Variants in ARHGAP40 observed in about 807,000 individuals in gnomAD.
ARHGAP40 encodes rho GTPase-activating protein 40.
ARHGAP40 carries 43 observed loss-of-function variants against 73.5 expected under a neutral mutation model. The ratio of observed to expected loss-of-function variants is 0.58; its 90% CI spans 0.46 to 0.75. ARHGAP40 has a LOEUF of 0.75. ARHGAP40 is among the 30% of genes least tolerant of loss of function. The pLI, the probability that ARHGAP40 is intolerant of heterozygous loss-of-function variation, is 0.00. For synonymous variants in ARHGAP40, 300 were observed against 352.8 expected (o/e 0.85, Z 1.68); for missense variants, 734 against 861.8 (o/e 0.85, Z 1.86).
chr20:38,605,743 A>G (rs934602534), intron 1 of ARHGAP40, among the ~76,000 whole-genome samples: 1 of 152,250 alleles, frequency 6.6e-6, no homozygotes, highest in Non-Finnish European at 1.5e-5. Flanking sequence ...ACATACATGT[A>G]TACGTAAAAT....
intron 1 of ARHGAP40, among the ~76,000 whole-genome samples, chr20:38,621,996 C>T (rs889460152): frequency 1.3e-5 from 2 of 151,908 alleles, no homozygotes; most frequent in Admixed American, 6.6e-5. Flanking sequence ...CGGAGGTTGC[C>T]GTGAGTCATA....
At chr20:38,639,149 C>A in intron 8 of ARHGAP40, 78 bp from the exon 9 acceptor site, 2 of 1,269,480 alleles carry the variant, frequency 1.6e-6, no homozygotes, top group South Asian at 1.3e-5. Context: ...ATGAGGAAAC[C>A]AAGCCCCAGA....
chr20:38,604,544 C>T (rs1014976906), intron 1 of ARHGAP40, among the ~76,000 whole-genome samples: 25 of 151,874 alleles, frequency 1.6e-4, no homozygotes, highest in African/African-American at 5.6e-4. Context: ...TACAGGCGTG[C>T]GCCACCACGC....
At chr20:38,608,560 C>T (rs546546400) in intron 1 of ARHGAP40, among the ~76,000 whole-genome samples, 1 of 152,304 alleles carries the variant, frequency 6.6e-6, no homozygotes, top group African/African-American at 2.4e-5. Context: ...TATACTATCA[C>T]ACAATCACCC....
At chr20:38,615,596 C>T (rs562636826) in intron 1 of ARHGAP40, 11 of 483,768 alleles carry the variant, frequency 2.3e-5, no homozygotes, top group Non-Finnish European at 3.4e-5. Context: ...CTAAGAGGTC[C>T]AATTTCTATC....
chr20:38,649,481 T>C (rs1368341826), intron 14 of ARHGAP40, among the ~76,000 whole-genome samples: 1 of 152,036 alleles, frequency 6.6e-6, no homozygotes, highest in Non-Finnish European at 1.5e-5. Flanking sequence ...CACATCAGAG[T>C]TGTTGCATTC....
At chr20:38,631,353 T>TA (rs1377375217) in intron 5 of ARHGAP40, among the ~76,000 whole-genome samples, 1 of 151,694 alleles carries the variant, frequency 6.6e-6, no homozygotes, top group Non-Finnish European at 1.5e-5. Flanking sequence ...AGTCTGTTTT[T>TA]ACACTGCTGA....
intron 1 of ARHGAP40, among the ~76,000 whole-genome samples, chr20:38,602,756 T>C (rs1452443740): frequency 6.6e-6 from 1 of 152,238 alleles, no homozygotes; most frequent in East Asian, 1.9e-4. Flanking sequence ...TAGGCTCTTG[T>C]GTTACATGTG....
chr20:38,608,478 A>G (rs1029649337), intron 1 of ARHGAP40, among the ~76,000 whole-genome samples: 5 of 152,184 alleles, frequency 3.3e-5, no homozygotes, highest in African/African-American at 1.2e-4. Context: ...TTGTGTTTTC[A>G]TGTTTTTGGA....
At chr20:38,640,065 G>A (rs2089004984) in intron 9 of ARHGAP40, among the ~76,000 whole-genome samples, 2 of 152,032 alleles carry the variant, frequency 1.3e-5, no homozygotes, top group East Asian at 1.9e-4. Flanking sequence ...TCTCACGACC[G>A]CAGCGTTTTG....
At chr20:38,605,796 G>A (rs1462543130) in intron 1 of ARHGAP40, among the ~76,000 whole-genome samples, 2 of 152,166 alleles carry the variant, frequency 1.3e-5, no homozygotes, top group East Asian at 1.9e-4. Context: ...ACTTACATAC[G>A]TGAATTGGTT....
At chr20:38,617,367 A>T (rs1199484831) in intron 1 of ARHGAP40, among the ~76,000 whole-genome samples, 1 of 152,048 alleles carries the variant, frequency 6.6e-6, no homozygotes, top group African/African-American at 2.4e-5. Context: ...CCACTGTCAT[A>T]TTATTCTCAC....
At position 38,647,140 on chromosome 20, in the gene ARHGAP40, C is replaced by T. The variant is rs2089059537; in HGVS notation, c.1880+14C>T. 1.5e-6 allele frequency: 2 copies of T among 1,300,706 alleles called. No homozygotes were observed. The highest frequency in any genetic ancestry group is 2.3e-5 in the Admixed American group (1 of 43,308). 80.6% of individuals were successfully genotyped at this position (1,300,706 alleles called of 1,614,324 possible). ...CCTCCTTCTACAGTAAGAGGCACCT[C>T]CTGGAGGCAGGAGCCTCTTCCCTGC... On this transcript the variant is annotated intron_variant, in intron 13 of 14. Coordinates refer to ENST00000373345, the Ensembl canonical transcript of ARHGAP40.
rs2088962856 is a variant in ARHGAP40 at position 38,634,742 on chromosome 20, C to CTTGGA, written c.907_911dup (p.Leu305TrpfsTer3). 1 of 1,303,666 alleles carries CTTGGA rather than the reference C, an allele frequency of 7.7e-7. No individual in the cohort carries two copies. Among genetic ancestry groups the CTTGGA allele is most frequent in the Admixed American group, 2.3e-5 (1 of 43,396 alleles). 80.8% of individuals were successfully genotyped at this position (1,303,666 alleles called of 1,614,324 possible). ...TGACCGCGCTCTGTGACATCCTCGG[C>CTTGGA]TTGGACCTGAAGAGGAGCAAGGCGG... is the stretch of plus-strand genomic sequence containing the variant. On this transcript the variant is annotated frameshift_variant, in exon 6 of 15. Coordinates refer to ENST00000373345, the Ensembl canonical transcript of ARHGAP40. LOFTEE classifies it high-confidence loss of function.
chr20:38,626,018 G>A lies in ARHGAP40; in HGVS notation c.338-977G>A, dbSNP rs6128572. Among the ~76,000 whole-genome samples, 37 of 152,264 alleles carry A rather than the reference G, an allele frequency of 2.4e-4. 1 individual carries two copies. In the East Asian group the frequency reaches 6.8e-3, roughly 28 times the overall value. Reference sequence around the variant, plus strand: ...AAGGATCCTGTACAAACAAAAAAATGTCTGGCATCATGATAGAATCAGTAC... The same window carrying A: ...AAGGATCCTGTACAAACAAAAAAATATCTGGCATCATGATAGAATCAGTAC... On this transcript the variant is annotated intron_variant, in intron 2 of 14. Transcript: ENST00000373345.
At chr20:38,602,102 A>C in intron 1 of ARHGAP40, 23 bp downstream of exon 1, 1 of 1,268,620 alleles carries the variant, frequency 7.9e-7, no homozygotes, top group Non-Finnish European at 1.0e-6. Flanking sequence ...CGGGAGCGGG[A>C]GGGAAGTTGG....
chr20:38,638,165 A>AAT (rs1568610482), intron 7 of ARHGAP40, among the ~76,000 whole-genome samples: 1 of 151,224 alleles, frequency 6.6e-6, no homozygotes. Flanking sequence ...AAAAAAAAAA[A>AAT]TTAGCCGGGT....
At chr20:38,614,197 TGAA>T (rs2145596218) in intron 1 of ARHGAP40, among the ~76,000 whole-genome samples, 1 of 152,262 alleles carries the variant, frequency 6.6e-6, no homozygotes, top group Non-Finnish European at 1.5e-5. Context: ...TGGGTAGGCA[TGAA>T]GAATCCAGAC....
intron 1 of ARHGAP40, among the ~76,000 whole-genome samples, chr20:38,609,580 G>A (rs898401270): frequency 7.9e-5 from 12 of 152,218 alleles, no homozygotes; most frequent in African/African-American, 2.9e-4. Context: ...GACCATGGAG[G>A]GCGGTAAGTG....
Sources: gnomAD v4.1 joint callset for allele counts (sites outside exome capture counted in the v4.1 genomes callset) on GRCh38, gnomAD v4.1.1 for gene constraint, MANE v1.5 for transcripts, NCBI Gene and HGNC (gene_info 2026-07-23, HGNC 2026-07-21) for gene names.